Variants in ADAMTS6 observed in about 807,000 individuals in gnomAD.
The protein encoded by ADAMTS6 is ADAM metallopeptidase with thrombospondin type 1 motif 6, also known as A disintegrin and metalloproteinase with thrombospondin motifs 6.
In ADAMTS6, 23 loss-of-function variants were observed where a neutral mutation model predicts 144.3. The observed-to-expected ratio is 0.16, with a 90% CI of 0.11 to 0.23. The LOEUF (loss-of-function observed/expected upper bound fraction) is 0.23, where lower values mean the gene tolerates loss of function less well. Ranked by LOEUF, ADAMTS6 falls within the 10% of genes least tolerant of loss-of-function variation. The pLI, the probability that ADAMTS6 is intolerant of heterozygous loss-of-function variation, is 1.00. For synonymous variants in ADAMTS6, 444 were observed against 457.5 expected (o/e 0.97, Z 0.38); for missense variants, 999 against 1,379.6 (o/e 0.72, Z 4.37).
chr5:65,460,240 A>G lies in ADAMTS6; in HGVS notation c.561T>C (p.Pro187=). The G allele has an allele frequency of 6.2e-7, 1 of 1,614,136 alleles. No homozygotes were observed. The highest frequency in any genetic ancestry group is 8.5e-7 in the Non-Finnish European group (1 of 1,179,974). Residue 187 remains proline, a synonymous_variant, in exon 4 of 25, where the codon CCT becomes CCC. Coordinates refer to ENST00000381055, the MANE Select transcript of ADAMTS6 (RefSeq NM_197941.4). The stretch of plus-strand genomic sequence containing the variant: ...GGGCAGACTTTTTGTAAATAACATG[A>G]GGGTGGCCATTTTCATAACTAAAAT... The part of the protein sequence containing the change: ...SKHFSYENGH[P]HVIYKKSALQ...
chr5:65,304,083 T>C (rs995446916), intron 9 of ADAMTS6, among the ~76,000 whole-genome samples: 1 of 152,174 alleles, frequency 6.6e-6, no homozygotes, highest in African/African-American at 2.4e-5. Context: ...ATCTTTATAG[T>C]TTAGGTGTCA....
intron 15 of ADAMTS6, 150 bp downstream of exon 15, chr5:65,241,954 T>C (rs975989122): frequency 1.2e-5 from 5 of 424,772 alleles, no homozygotes; most frequent in African/African-American, 4.0e-5. Context: ...GAAGCCTTTA[T>C]AGTACTATAA....
Position 65,219,664 on chromosome 5 carries a change from T to C in ADAMTS6, c.2273-4177A>G, listed in dbSNP as rs532467794. 5.9e-5 allele frequency among the ~76,000 whole-genome samples: 9 copies of C among 152,282 alleles called. No individual in the cohort carries two copies. In the South Asian group the frequency reaches 1.9e-3, roughly 32 times the overall value. On this transcript the variant is annotated intron_variant, in intron 18 of 24. Transcript: ENST00000381055. ...GCTCAATGATTCTCCTGCCTCTGCC[T>C]CCTGAGTGGTTGGAATTACAGGCAT...
intron 7 of ADAMTS6, among the ~76,000 whole-genome samples, chr5:65,369,737 T>C (rs140651445): frequency 1.1e-4 from 16 of 152,168 alleles, no homozygotes; most frequent in African/African-American, 3.9e-4. Flanking sequence ...GTACTATACA[T>C]TGGGTATATT....
intron 7 of ADAMTS6, among the ~76,000 whole-genome samples, chr5:65,340,230 T>C (rs1554072990): frequency 6.6e-6 from 1 of 151,110 alleles, no homozygotes; most frequent in South Asian, 2.1e-4. Context: ...TTTAAAGCAC[T>C]GAAAGAAAAA....
intron 18 of ADAMTS6, among the ~76,000 whole-genome samples, chr5:65,217,342 T>C (rs1164308473): frequency 6.6e-6 from 1 of 151,920 alleles, no homozygotes; most frequent in African/African-American, 2.4e-5. Flanking sequence ...TATGTGGCTT[T>C]AAATTCTCCT....
At chr5:65,463,035 G>A (rs900824315) in intron 3 of ADAMTS6, among the ~76,000 whole-genome samples, 19 of 150,676 alleles carry the variant, frequency 1.3e-4, no homozygotes, top group Admixed American at 1.1e-3. Context: ...AGCTGAGATC[G>A]TGCCACTGCA....
In ADAMTS6 at chr5:65,215,535, CA is replaced by C. The variant is rs1291415054; in HGVS notation, c.2273-49del. 2.0e-6 allele frequency: 3 copies of C among 1,525,268 alleles called. No homozygotes were observed. The African/African-American group carries it at 4.1e-5, about 21-fold the overall frequency. 94.5% of individuals were successfully genotyped at this position (1,525,268 alleles called of 1,614,324 possible). ...CCTAAAAATGTGAAATTTCATTTACCAAAGTGTCACTGATTAATTACTGCAA... is the reference window on the plus strand; with the variant it reads ...CCTAAAAATGTGAAATTTCATTTACCAAGTGTCACTGATTAATTACTGCAA... On this transcript the variant is annotated intron_variant, in intron 18 of 24. Coordinates refer to ENST00000381055, the MANE Select transcript of ADAMTS6 (RefSeq NM_197941.4).
chr5:65,252,838 C>T (rs1280509150), intron 14 of ADAMTS6, among the ~76,000 whole-genome samples: 2 of 151,982 alleles, frequency 1.3e-5, no homozygotes, highest in Admixed American at 6.6e-5. Flanking sequence ...ATCTATTAAA[C>T]ACAGTTGAAT....
At chr5:65,204,377 G>A (rs1755939897) in intron 20 of ADAMTS6, among the ~76,000 whole-genome samples, 1 of 152,152 alleles carries the variant, frequency 6.6e-6, no homozygotes, top group African/African-American at 2.4e-5. Context: ...AGTTTATATA[G>A]AAGAGATACT....
At chr5:65,314,237 G>A (rs1295024349) in intron 9 of ADAMTS6, among the ~76,000 whole-genome samples, 3 of 152,088 alleles carry the variant, frequency 2.0e-5, no homozygotes, top group Non-Finnish European at 4.4e-5. Context: ...ACATGCTAAG[G>A]ACTGAACATG....
chr5:65,445,630 T>A (rs1758217319), intron 7 of ADAMTS6, among the ~76,000 whole-genome samples: 1 of 152,020 alleles, frequency 6.6e-6, no homozygotes, highest in African/African-American at 2.4e-5. Context: ...GCATGACCCA[T>A]CACACAGAGC....
chr5:65,233,656 C>T (rs768595015), intron 15 of ADAMTS6, among the ~76,000 whole-genome samples: 11 of 152,036 alleles, frequency 7.2e-5, no homozygotes, highest in East Asian at 1.9e-4. Context: ...AAAGATGTCA[C>T]GTGTTCATGG....
intron 7 of ADAMTS6, among the ~76,000 whole-genome samples, chr5:65,391,303 A>T (rs574537346): frequency 6.6e-6 from 1 of 152,304 alleles, no homozygotes; most frequent in African/African-American, 2.4e-5. Flanking sequence ...AAATTAAAAT[A>T]AAGTTGCGAA....
intron 3 of ADAMTS6, among the ~76,000 whole-genome samples, chr5:65,463,541 T>A (rs1759781120): frequency 6.6e-6 from 1 of 152,164 alleles, no homozygotes; most frequent in African/African-American, 2.4e-5. Flanking sequence ...CCCATTCACC[T>A]TTACACTATC....
At chr5:65,432,116 A>C (rs552043182) in intron 7 of ADAMTS6, among the ~76,000 whole-genome samples, 58 of 152,146 alleles carry the variant, frequency 3.8e-4, no homozygotes, top group African/African-American at 1.4e-3. Context: ...AATAAGAATA[A>C]AATTTTTAAA....
chr5:65,421,141 A>G (rs887779486), intron 7 of ADAMTS6, among the ~76,000 whole-genome samples: 4 of 151,996 alleles, frequency 2.6e-5, no homozygotes, highest in African/African-American at 9.7e-5. Context: ...TGTTTTTTTC[A>G]TTGTGTTATT....
At chr5:65,210,504 T>G in intron 20 of ADAMTS6, 2 of 354,730 alleles carry the variant, frequency 5.6e-6, no homozygotes, top group South Asian at 7.6e-5. Context: ...TGATTGGAGA[T>G]GAATATAATG....
intron 13 of ADAMTS6, 147 bp from the exon 14 acceptor site, chr5:65,260,810 T>C (rs1352033935): frequency 5.6e-6 from 3 of 539,612 alleles, no homozygotes; most frequent in Non-Finnish European, 9.5e-6. Flanking sequence ...ATCATGCTGG[T>C]GATTGTTAGC....
Sources: gnomAD v4.1 joint callset for allele counts (sites outside exome capture counted in the v4.1 genomes callset) on GRCh38, gnomAD v4.1.1 for gene constraint, MANE v1.5 for transcripts, NCBI Gene and HGNC (gene_info 2026-07-23, HGNC 2026-07-21) for gene names.